Variants in NRG3 observed in about 807,000 individuals in gnomAD.
NRG3 encodes pro-neuregulin-3, membrane-bound isoform.
Under a neutral mutation model 66.9 loss-of-function variants are expected in NRG3, and 31 were observed. That is an observed-to-expected ratio of 0.46 (90% CI 0.35 to 0.63). The LOEUF is 0.63. Among genes scored for constraint, NRG3 ranks in the 20% least tolerant of loss-of-function variants. NRG3 has a pLI of 0.00. For missense variants in NRG3, 910 were observed against 878.9 expected (o/e 1.04, Z -0.45); for synonymous variants, 393 against 359.4 (o/e 1.09, Z -1.06).
chr10:82,417,007 T>G (rs1713639912), intron 2 of NRG3, among the ~76,000 whole-genome samples: 1 of 152,138 alleles, frequency 6.6e-6, no homozygotes, highest in Admixed American at 6.5e-5. Flanking sequence ...TAGTACCATT[T>G]TTGCCAGAAA....
intron 2 of NRG3, among the ~76,000 whole-genome samples, chr10:82,500,481 C>A (rs114366890): frequency 2.2e-3 from 342 of 152,272 alleles, no homozygotes; most frequent in African/African-American, 7.3e-3. Flanking sequence ...TTAATACTAC[C>A]TTTTTGTAGG....
At chr10:81,953,856 G>T (rs1180343537) in intron 1 of NRG3, among the ~76,000 whole-genome samples, 1 of 152,160 alleles carries the variant, frequency 6.6e-6, no homozygotes, top group South Asian at 2.1e-4. Context: ...TAAGCAGGAA[G>T]ATACTGACTC....
chr10:82,984,665 C>A, intron 8 of NRG3: 2 of 1,043,218 alleles, frequency 1.9e-6, no homozygotes, highest in Non-Finnish European at 2.8e-6. Context: ...CTGGACTAAC[C>A]CAGGGCTGAG....
At chr10:81,938,643 A>ATGTGTGTGTGTGTGTGTGTG (rs1564674211) in intron 1 of NRG3, among the ~76,000 whole-genome samples, 1 of 145,718 alleles carries the variant, frequency 6.9e-6, no homozygotes, top group African/African-American at 2.6e-5. Flanking sequence ...GTGTGTGTGC[A>ATGTGTGTGTGTGTGTGTGTG]TGCATGCATG....
intron 1 of NRG3, among the ~76,000 whole-genome samples, chr10:82,307,948 C>T (rs2080832442): frequency 6.6e-6 from 1 of 151,884 alleles, no homozygotes; most frequent in African/African-American, 2.4e-5. Context: ...CTTAGCTAAA[C>T]ATTTGGATAC....
chr10:82,763,568 A>G (rs1357438725), intron 3 of NRG3, among the ~76,000 whole-genome samples: 1 of 152,166 alleles, frequency 6.6e-6, no homozygotes, highest in Non-Finnish European at 1.5e-5. Flanking sequence ...TAATCAAAAT[A>G]ATTAATATAC....
chr10:82,671,514 A>T (rs753478178), intron 2 of NRG3, among the ~76,000 whole-genome samples: 4 of 152,130 alleles, frequency 2.6e-5, no homozygotes, highest in Non-Finnish European at 5.9e-5. Context: ...TGGATTAGTG[A>T]CTGTCATTCT....
chr10:82,235,596 C>T (rs758484461), intron 1 of NRG3, among the ~76,000 whole-genome samples: 5 of 152,106 alleles, frequency 3.3e-5, no homozygotes, highest in South Asian at 2.1e-4. Flanking sequence ...GTTTTGCCAC[C>T]CTAGCACTTT....
intron 4 of NRG3, among the ~76,000 whole-genome samples, chr10:82,913,259 A>G (rs1254036945): frequency 6.6e-6 from 1 of 152,106 alleles, no homozygotes; most frequent in African/African-American, 2.4e-5. Flanking sequence ...CCAATTACTT[A>G]TTTTCATCCC....
intron 2 of NRG3, among the ~76,000 whole-genome samples, chr10:82,733,272 T>G (rs181149551): frequency 1.3e-4 from 20 of 152,350 alleles, no homozygotes; most frequent in Admixed American, 3.3e-4. Context: ...ATAAAATCCA[T>G]TTTTGTAGAT....
At chr10:82,636,048 G>A (rs111559448) in intron 2 of NRG3, among the ~76,000 whole-genome samples, 10 of 152,112 alleles carry the variant, frequency 6.6e-5, no homozygotes, top group African/African-American at 1.4e-4. Context: ...GTTATATGTA[G>A]TAATATTAAT....
chr10:82,072,218 G>A (rs1306798016), intron 1 of NRG3, among the ~76,000 whole-genome samples: 7 of 152,158 alleles, frequency 4.6e-5, no homozygotes, highest in Non-Finnish European at 1.5e-5. Flanking sequence ...TTTGAATATA[G>A]AGCCAACAGG....
At chr10:82,320,470 C>T (rs1589709949) in intron 1 of NRG3, among the ~76,000 whole-genome samples, 2 of 152,172 alleles carry the variant, frequency 1.3e-5, no homozygotes, top group East Asian at 3.9e-4. Flanking sequence ...GGTCAGAACT[C>T]ACTGAATACT....
intron 4 of NRG3, among the ~76,000 whole-genome samples, chr10:82,946,135 G>A (rs560940629): frequency 2.0e-5 from 3 of 151,560 alleles, no homozygotes; most frequent in East Asian, 3.9e-4. Context: ...ATGGTCCCCT[G>A]AATCAGTGGA....
intron 1 of NRG3, chr10:82,340,996 G>T (rs1173441361): frequency 1.3e-5 from 2 of 152,112 alleles, no homozygotes; most frequent in Admixed American, 6.6e-5. Flanking sequence ...TAATAGGATT[G>T]TTTGTAACAC....
intron 5 of NRG3, 30 bp downstream of exon 5, chr10:82,951,601 G>C (rs752844617): frequency 6.3e-7 from 1 of 1,581,554 alleles, no homozygotes; most frequent in Admixed American, 1.7e-5. Flanking sequence ...GTGTTTAAAG[G>C]TTACTTTTAG....
At chr10:82,288,121 G>A (rs1242370634) in intron 1 of NRG3, among the ~76,000 whole-genome samples, 3 of 152,052 alleles carry the variant, frequency 2.0e-5, no homozygotes, top group East Asian at 3.9e-4. Context: ...ATCTTTTTTT[G>A]ATGAATGTGA....
chr10:81,894,351 G>A (rs1564637743), intron 1 of NRG3, among the ~76,000 whole-genome samples: 1 of 152,060 alleles, frequency 6.6e-6, no homozygotes, highest in Non-Finnish European at 1.5e-5. Flanking sequence ...AAGAAAGAAA[G>A]AAAATAATTT....
chr10:82,481,257 C>CT (rs1449181463), intron 2 of NRG3, among the ~76,000 whole-genome samples: 1 of 152,204 alleles, frequency 6.6e-6, no homozygotes, highest in African/African-American at 2.4e-5. Context: ...TTTACTCTTT[C>CT]TAAAGCCTCT....
Sources: allele counts gnomAD v4.1 joint callset (sites outside exome capture counted in the v4.1 genomes callset), GRCh38; gene constraint gnomAD v4.1.1; transcripts MANE v1.5; gene names NCBI Gene and HGNC (gene_info 2026-07-23, HGNC 2026-07-21).